The following PTPRD variants were observed in gnomAD, a reference collection of about 807,000 sequenced individuals.
PTPRD encodes receptor-type tyrosine-protein phosphatase delta.
Under a neutral mutation model 214.5 loss-of-function variants are expected in PTPRD, and 34 were observed. The observed-to-expected ratio is 0.16, with a 90% CI of 0.12 to 0.21. PTPRD has a LOEUF of 0.21. PTPRD is among the 10% of genes least tolerant of loss of function. The pLI, the probability that PTPRD is intolerant of heterozygous loss-of-function variation, is 1.00. For missense variants in PTPRD, 2,545 were observed against 2,398.7 expected, an observed-to-expected ratio of 1.06 and a Z score of -1.27; for synonymous variants, 1,128 against 845.7, an observed-to-expected ratio of 1.33 and a Z score of -5.79.
intron 10 of PTPRD, among the ~76,000 whole-genome samples, chr9:9,098,267 T>G (rs922726662): frequency 1.3e-5 from 2 of 152,070 alleles, no homozygotes; most frequent in Non-Finnish European, 2.9e-5. Flanking sequence ...AGATTTATTA[T>G]TTTCAGTATC....
intron 5 of PTPRD, among the ~76,000 whole-genome samples, chr9:9,924,694 T>C (rs1216912554): frequency 6.6e-6 from 1 of 152,114 alleles, no homozygotes; most frequent in Non-Finnish European, 1.5e-5. Flanking sequence ...AAGGAGTTTT[T>C]AAAAGAGCCT....
intron 14 of PTPRD, among the ~76,000 whole-genome samples, chr9:8,621,397 T>A (rs1054943099): frequency 5.3e-5 from 8 of 151,978 alleles, no homozygotes; most frequent in Non-Finnish European, 1.2e-4. Context: ...TTAAAAAAAA[T>A]TTGTTTGTTT....
chr9:9,131,624 T>A (rs1001146076), intron 10 of PTPRD, among the ~76,000 whole-genome samples: 1 of 152,166 alleles, frequency 6.6e-6, no homozygotes, highest in African/African-American at 2.4e-5. Flanking sequence ...TTACTTGGAC[T>A]TTGCTTAAGT....
chr9:10,510,683 T>C (rs2784592), intron 2 of PTPRD, among the ~76,000 whole-genome samples: 117,435 of 152,096 alleles, frequency 0.77, 46,950 homozygotes, highest in Admixed American at 0.88. Context: ...TCCATCATTT[T>C]AAACATTGAT....
At chr9:8,479,638 C>G (rs2096838777) in intron 30 of PTPRD, among the ~76,000 whole-genome samples, 1 of 152,170 alleles carries the variant, frequency 6.6e-6, no homozygotes, top group Admixed American at 6.5e-5. Context: ...AGTTTACCAC[C>G]AATGGACTAA....
At chr9:8,885,612 T>C (rs2098481014) in intron 11 of PTPRD, among the ~76,000 whole-genome samples, 1 of 148,466 alleles carries the variant, frequency 6.7e-6, no homozygotes, top group Admixed American at 6.8e-5. Flanking sequence ...TTCTCATGCC[T>C]CAGCTTCCCT....
At chr9:8,934,520 A>AATATATATATATATAT (rs60438547) in intron 11 of PTPRD, among the ~76,000 whole-genome samples, 1 of 17,074 alleles carries the variant, frequency 5.9e-5, no homozygotes, top group Non-Finnish European at 1.1e-4. Flanking sequence ...TATATATATA[A>AATATATATATATATAT]ATATATATAT....
At chr9:9,769,357 A>G (rs1354250473) in intron 5 of PTPRD, among the ~76,000 whole-genome samples, 1 of 107,056 alleles carries the variant, frequency 9.3e-6, no homozygotes, top group Non-Finnish European at 1.7e-5. Flanking sequence ...ATGGAGTCTC[A>G]CTGTGTCACC....
chr9:9,427,344 G>C (rs938187176), intron 8 of PTPRD, among the ~76,000 whole-genome samples: 1 of 152,126 alleles, frequency 6.6e-6, no homozygotes, highest in Non-Finnish European at 1.5e-5. Context: ...GAAATGAAGC[G>C]AGAAGAGAAG....
intron 11 of PTPRD, among the ~76,000 whole-genome samples, chr9:8,829,588 A>T (rs759180909): frequency 2.3e-4 from 35 of 152,190 alleles, no homozygotes; most frequent in Non-Finnish European, 4.1e-4. Flanking sequence ...TTTCTTGGTG[A>T]ACTGGACTTT....
intron 8 of PTPRD, among the ~76,000 whole-genome samples, chr9:9,541,877 G>C (rs1051711500): frequency 1.3e-5 from 2 of 151,702 alleles, no homozygotes; most frequent in Admixed American, 1.3e-4. Context: ...TTGAATGTTG[G>C]GTGGGGAAGA....
intron 2 of PTPRD, among the ~76,000 whole-genome samples, chr9:10,364,413 T>C (rs2097471639): frequency 1.3e-5 from 2 of 152,094 alleles, no homozygotes; most frequent in Non-Finnish European, 2.9e-5. Flanking sequence ...TCAGCATCTG[T>C]ACTCTAACAG....
chr9:9,036,382 G>C (rs947193585), intron 10 of PTPRD, among the ~76,000 whole-genome samples: 6 of 152,034 alleles, frequency 3.9e-5, no homozygotes, highest in Non-Finnish European at 5.9e-5. Flanking sequence ...GGAAGTGATT[G>C]TTAAAAATAT....
At chr9:8,360,998 G>A (rs1433214985) in intron 39 of PTPRD, among the ~76,000 whole-genome samples, 1 of 152,164 alleles carries the variant, frequency 6.6e-6, no homozygotes, top group African/African-American at 2.4e-5. Flanking sequence ...AATTTTCTAA[G>A]TGATTTTCAT....
At chr9:8,875,995 T>G (rs2154212504) in intron 11 of PTPRD, among the ~76,000 whole-genome samples, 1 of 152,364 alleles carries the variant, frequency 6.6e-6, no homozygotes, top group Middle Eastern at 3.4e-3. Context: ...CCTGGAATTC[T>G]TACAACATAG....
intron 11 of PTPRD, among the ~76,000 whole-genome samples, chr9:8,914,623 T>C (rs2098771867): frequency 6.6e-6 from 1 of 152,138 alleles, no homozygotes; most frequent in African/African-American, 2.4e-5. Context: ...TATGTGTAGC[T>C]GAGTCCATGT....
At position 9,447,486 on chromosome 9, in the gene PTPRD, G is replaced by A. The variant is rs192401861; in HGVS notation, c.-236-50004C>T. ...GATAAGAACACATGGACACAAAGAG[G>A]GGAACAACAGACACTGGGACCTATT... On this transcript the variant is annotated intron_variant, in intron 8 of 45. Coordinates refer to ENST00000381196, the MANE Select transcript of PTPRD (RefSeq NM_002839.4). 4.5e-3 allele frequency among the ~76,000 whole-genome samples: 684 copies of A among 152,136 alleles called. 6 individuals are homozygous for A. The highest frequency in any genetic ancestry group is 6.9e-3 in the Non-Finnish European group (471 of 67,976).
At chr9:9,442,963 A>C (rs1365701554) in intron 8 of PTPRD, among the ~76,000 whole-genome samples, 1 of 152,142 alleles carries the variant, frequency 6.6e-6, no homozygotes, top group Non-Finnish European at 1.5e-5. Flanking sequence ...ATATGTATGC[A>C]CGTACATATA....
intron 11 of PTPRD, among the ~76,000 whole-genome samples, chr9:8,803,798 CT>C (rs779646596): frequency 6.6e-6 from 1 of 151,588 alleles, no homozygotes; most frequent in East Asian, 1.9e-4. Context: ...TTCATAATAC[CT>C]TTTTTTGGCA....
Sources: allele counts gnomAD v4.1 joint callset (sites outside exome capture counted in the v4.1 genomes callset), GRCh38; gene constraint gnomAD v4.1.1; transcripts MANE v1.5; gene names NCBI Gene and HGNC (gene_info 2026-07-23, HGNC 2026-07-21).